The following SPMAP2L variants were observed in gnomAD, a reference collection of about 807,000 sequenced individuals.
The protein encoded by SPMAP2L is sperm microtubule associated protein 2 like.
At chr4:56,559,566 G>A in the SPMAP2L span, 3 of 1,431,298 alleles carry the variant, frequency 2.1e-6, no homozygotes, top group South Asian at 1.4e-5. Context: ...GAGGTTTTTT[G>A]TTGTTGTTTT....
chr4:56,564,134 T>A, the SPMAP2L span, among the ~76,000 whole-genome samples: 1 of 1,692 alleles, frequency 5.9e-4, no homozygotes, highest in African/African-American at 1.0e-3. Flanking sequence ...ATCTGTGGAA[T>A]TTTTTTTTTT....
At chr4:56,607,120 A>G in the SPMAP2L span, among the ~76,000 whole-genome samples, 2 of 152,164 alleles carry the variant, frequency 1.3e-5, no homozygotes, top group African/African-American at 2.4e-5. Flanking sequence ...TGTCCTTCCA[A>G]AATTCATGTT....
the SPMAP2L span, among the ~76,000 whole-genome samples, chr4:56,590,838 G>A: frequency 6.6e-6 from 1 of 152,056 alleles, no homozygotes; most frequent in African/African-American, 2.4e-5. Context: ...AGGCTGAGAG[G>A]ACAGACAGCT....
the SPMAP2L span, among the ~76,000 whole-genome samples, chr4:56,591,674 A>G: frequency 2.0e-5 from 3 of 152,194 alleles, no homozygotes; most frequent in Non-Finnish European, 4.4e-5. Flanking sequence ...TTCGTTATTG[A>G]TTATATTTTC....
the SPMAP2L span, among the ~76,000 whole-genome samples, chr4:56,620,442 A>C: frequency 6.7e-6 from 1 of 149,238 alleles, no homozygotes; most frequent in Non-Finnish European, 1.5e-5. Context: ...CTGGAAGTGC[A>C]ACAGCGCGAT....
the SPMAP2L span, among the ~76,000 whole-genome samples, chr4:56,561,000 C>A: frequency 6.6e-6 from 1 of 152,164 alleles, no homozygotes; most frequent in South Asian, 2.1e-4. Context: ...CCCACCTGGG[C>A]CTTTCAAAGT....
At chr4:56,594,352 G>A in the SPMAP2L span, 9,951 of 1,532,672 alleles carry the variant, frequency 6.5e-3, 375 homozygotes, top group African/African-American at 0.095. Flanking sequence ...TGAACAGTTC[G>A]TCTGAACTCG....
At chr4:56,534,771 A>G in the SPMAP2L span, among the ~76,000 whole-genome samples, 3 of 152,152 alleles carry the variant, frequency 2.0e-5, no homozygotes, top group Admixed American at 1.3e-4. Flanking sequence ...TGCTAAAAAT[A>G]CAAAAAAAAT....
chr4:56,550,943 ACTCTAT>A, the SPMAP2L span, among the ~76,000 whole-genome samples: 1 of 123,760 alleles, frequency 8.1e-6, no homozygotes, highest in Admixed American at 9.5e-5. Flanking sequence ...ACATAGTGAG[ACTCTAT>A]CTCTAACAGA....
the SPMAP2L span, among the ~76,000 whole-genome samples, chr4:56,596,136 C>T: frequency 6.6e-6 from 1 of 152,170 alleles, no homozygotes; most frequent in Non-Finnish European, 1.5e-5. Flanking sequence ...ATTTTGTATA[C>T]CCTGAAGAAC....
chr4:56,563,694 A>G, the SPMAP2L span, among the ~76,000 whole-genome samples: 1 of 152,178 alleles, frequency 6.6e-6, no homozygotes, highest in African/African-American at 2.4e-5. Flanking sequence ...AGGGCCAGAT[A>G]GTAAAGTTAG....
At chr4:56,581,944 G>T in the SPMAP2L span, among the ~76,000 whole-genome samples, 1 of 152,100 alleles carries the variant, frequency 6.6e-6, no homozygotes, top group Non-Finnish European at 1.5e-5. Flanking sequence ...TTCAACAAAT[G>T]GTGCTGTGAT....
At chr4:56,595,512 G>A in the SPMAP2L span, 9 of 1,531,760 alleles carry the variant, frequency 5.9e-6, no homozygotes, top group Non-Finnish European at 8.1e-6. Context: ...CACACTCCCT[G>A]ACCTGCGTTA....
the SPMAP2L span, among the ~76,000 whole-genome samples, chr4:56,609,666 A>G: frequency 6.6e-6 from 1 of 152,160 alleles, no homozygotes; most frequent in Non-Finnish European, 1.5e-5. Context: ...GGCCATTAGG[A>G]GATGATTAGG....
At chr4:56,582,816 T>C in the SPMAP2L span, among the ~76,000 whole-genome samples, 1 of 152,156 alleles carries the variant, frequency 6.6e-6, no homozygotes, top group Non-Finnish European at 1.5e-5. Flanking sequence ...ACAATTCAAA[T>C]GTTCATCAAT....
the SPMAP2L span, chr4:56,575,426 G>A: frequency 4.1e-6 from 6 of 1,472,802 alleles, no homozygotes; most frequent in Non-Finnish European, 5.4e-6. Flanking sequence ...CTAGGCCTGG[G>A]GATCGATGTT....
At chr4:56,586,353 C>G in the SPMAP2L span, among the ~76,000 whole-genome samples, 339 of 152,296 alleles carry the variant, frequency 2.2e-3, no homozygotes, top group African/African-American at 7.7e-3. Context: ...CTCACATGAC[C>G]TCTTCTTTGT....
At chr4:56,600,478 C>T in the SPMAP2L span, among the ~76,000 whole-genome samples, 1 of 151,702 alleles carries the variant, frequency 6.6e-6, no homozygotes, top group African/African-American at 2.4e-5. Flanking sequence ...ATTTTTAGTA[C>T]AGACGGGGTT....
chr4:56,546,267 C>T, the SPMAP2L span, among the ~76,000 whole-genome samples: 1 of 152,176 alleles, frequency 6.6e-6, no homozygotes, highest in Admixed American at 6.5e-5. Flanking sequence ...CGTGAAAATA[C>T]TTAGTTGCAG....
Sources: allele counts gnomAD v4.1 joint callset (sites outside exome capture counted in the v4.1 genomes callset), GRCh38; gene constraint gnomAD v4.1.1; transcripts MANE v1.5; gene names NCBI Gene and HGNC (gene_info 2026-07-23, HGNC 2026-07-21).